The following CLEC16A variants were observed in gnomAD, a reference collection of about 807,000 sequenced individuals.
The protein encoded by CLEC16A is protein CLEC16A.
A neutral mutation model predicts 109.5 loss-of-function variants in CLEC16A; 51 were observed. The observed-to-expected ratio is 0.47, with a 90% CI of 0.37 to 0.59. The LOEUF is 0.59. Ranked by LOEUF, CLEC16A falls within the 20% of genes least tolerant of loss-of-function variation. The probability of loss-of-function intolerance (pLI) is 0.00; values close to 1 mark genes in which losing one functional copy is unlikely to be tolerated. For synonymous variants in CLEC16A, 673 were observed against 564.2 expected (o/e 1.19, Z -2.73); for missense variants, 1,339 against 1,394.0 (o/e 0.96, Z 0.63).
At chr16:11,177,711 C>T (rs189955840) in intron 23 of CLEC16A, among the ~76,000 whole-genome samples, 9 of 152,218 alleles carry the variant, frequency 5.9e-5, no homozygotes, top group Non-Finnish European at 8.8e-5. Context: ...TGGCCCCTGC[C>T]GGGAAGCTCG....
chr16:11,009,897 T>C (rs1447360165), intron 11 of CLEC16A, among the ~76,000 whole-genome samples: 3 of 152,178 alleles, frequency 2.0e-5, no homozygotes, highest in Non-Finnish European at 2.9e-5. Flanking sequence ...CTCACACCTG[T>C]AATCCCAGCA....
intron 1 of CLEC16A, among the ~76,000 whole-genome samples, chr16:10,949,563 T>G (rs1464246797): frequency 6.6e-6 from 1 of 150,386 alleles, no homozygotes; most frequent in Non-Finnish European, 1.5e-5. Flanking sequence ...GTTCACTGGG[T>G]GAAGAGGAAG....
intron 19 of CLEC16A, among the ~76,000 whole-genome samples, chr16:11,097,692 G>A (rs993134189): frequency 3.9e-5 from 6 of 152,170 alleles, no homozygotes; most frequent in African/African-American, 1.4e-4. Flanking sequence ...AAATCCAGCA[G>A]CTTTTTGGCC....
Position 11,174,399 on chromosome 16 carries a change from C to A in CLEC16A, c.2807-3936C>A, listed in dbSNP as rs984469742. ...TGGGCCTGAGCACAGAGCCATTTGC[C>A]AAGGCGGCACTTCCCCATTTTCCCC... On this transcript the variant is annotated intron_variant, in intron 23 of 23. Coordinates refer to ENST00000409790, the MANE Select transcript of CLEC16A (RefSeq NM_015226.3). The surrounding 1 kb of genome is among the most constrained non-coding windows in gnomAD (Gnocchi z 4.7). 5.4e-5 allele frequency: 19 copies of A among 354,724 alleles called. No individual in the cohort carries two copies. The highest frequency in any genetic ancestry group is 2.1e-4 in the Admixed American group (6 of 28,518). The allele number at this position is 354,724 out of a possible 1,614,324, so 22.0% of individuals were successfully genotyped here.
At chr16:11,070,081 T>C (rs1333315130) in intron 19 of CLEC16A, among the ~76,000 whole-genome samples, 2 of 152,004 alleles carry the variant, frequency 1.3e-5, no homozygotes, top group Non-Finnish European at 2.9e-5. Context: ...ACCATTTTTT[T>C]TTTTTTTGAG....
At chr16:10,977,512 T>TTTTG (rs554920844) in intron 8 of CLEC16A, 113 bp downstream of exon 8, 7 of 996,448 alleles carry the variant, frequency 7.0e-6, no homozygotes, top group South Asian at 1.7e-5. Flanking sequence ...GAGGTTTTTT[T>TTTTG]TTTGTTTGTT....
chr16:10,948,491 G>C (rs1424241567), intron 1 of CLEC16A, among the ~76,000 whole-genome samples: 3 of 152,164 alleles, frequency 2.0e-5, no homozygotes, highest in African/African-American at 7.2e-5. Context: ...CTGTGACATT[G>C]ACTGACAAAT....
chr16:11,138,712 A>G (rs1342309277), intron 22 of CLEC16A, among the ~76,000 whole-genome samples: 1 of 152,116 alleles, frequency 6.6e-6, no homozygotes, highest in Non-Finnish European at 1.5e-5. Flanking sequence ...CTAAATGACC[A>G]CTGTTTTCAC....
At chr16:11,156,591 G>GT in intron 22 of CLEC16A, 1 of 1,304,234 alleles carries the variant, frequency 7.7e-7, no homozygotes, top group Non-Finnish European at 1.0e-6. Flanking sequence ...GACTGCCGCA[G>GT]TAGAGAGGCA....
At chr16:11,043,083 C>T (rs746315735) in intron 15 of CLEC16A, among the ~76,000 whole-genome samples, 14 of 151,098 alleles carry the variant, frequency 9.3e-5, no homozygotes, top group Non-Finnish European at 1.5e-4. Flanking sequence ...TATATATACA[C>T]ACACACACAC....
chr16:11,054,155 C>T (rs150351476), intron 18 of CLEC16A, among the ~76,000 whole-genome samples: 2 of 152,348 alleles, frequency 1.3e-5, no homozygotes, highest in African/African-American at 4.8e-5. Flanking sequence ...CCCTTGAGAA[C>T]CTTGGCTGTC....
Position 10,952,053 on chromosome 16 carries a change from A to C in CLEC16A, c.81-5729A>C, listed in dbSNP as rs758906547. Among the ~76,000 whole-genome samples, 13 of 152,356 alleles carry C rather than the reference A, an allele frequency of 8.5e-5. No homozygotes were observed. The Middle Eastern group carries it at 0.017, about 199-fold the overall frequency. On this transcript the variant is annotated intron_variant, in intron 1 of 23. Coordinates refer to ENST00000409790, the MANE Select transcript of CLEC16A (RefSeq NM_015226.3). ...ATGCAACATGACCTCAACTATGTAA[A>C]TATCCATAGCAAAGAAAAAGACCCG...
chr16:11,151,995 G>A (rs1315844030), intron 22 of CLEC16A, among the ~76,000 whole-genome samples: 2 of 152,192 alleles, frequency 1.3e-5, no homozygotes, highest in African/African-American at 2.4e-5. Context: ...CAGAGAACCA[G>A]GGGGTTTTGT....
chr16:11,075,408 G>A (rs866385739), intron 19 of CLEC16A, among the ~76,000 whole-genome samples: 3 of 131,688 alleles, frequency 2.3e-5, no homozygotes, highest in Non-Finnish European at 4.9e-5. Context: ...GTGTGTGTGT[G>A]TGTCTGTGTG....
chr16:10,981,042 G>A (rs1321910350), intron 9 of CLEC16A, among the ~76,000 whole-genome samples: 1 of 152,116 alleles, frequency 6.6e-6, no homozygotes, highest in Non-Finnish European at 1.5e-5. Context: ...TGGCCTGCAC[G>A]TGCTTCCACG....
At position 11,051,571 on chromosome 16, in the gene CLEC16A, C is replaced by T. The variant is rs1192686606; in HGVS notation, c.1925C>T (p.Thr642Ile). Residue 642 changes from threonine to isoleucine, a missense_variant, in exon 18 of 24, where the codon ACA (threonine) becomes ATA (isoleucine). Around this residue, in one of 3 missense-constraint regions of CLEC16A, gnomAD observed 1,061 missense variants for 1,006.8 expected, o/e 1.05. Transcript: ENST00000409790. ...MMDASILLPP[T>I]GTPLTGIDFV... ...GACGCCTCCATCCTGCTGCCCCCAA[C>T]AGGCACGCCACTGACGGGCATTGAC... 6.2e-7 allele frequency: 1 copy of T among 1,614,046 alleles called. No individual in the cohort carries two copies. Among genetic ancestry groups the T allele is most frequent in the Non-Finnish European group, 8.5e-7 (1 of 1,179,882 alleles).
chr16:11,159,684 C>T (rs1414162580), intron 22 of CLEC16A, among the ~76,000 whole-genome samples: 3 of 152,208 alleles, frequency 2.0e-5, no homozygotes, highest in Admixed American at 1.3e-4. Context: ...GGACAGAAAC[C>T]TTGTGGGTGA....
chr16:11,090,460 G>A (rs2050240449), intron 19 of CLEC16A, among the ~76,000 whole-genome samples: 1 of 152,186 alleles, frequency 6.6e-6, no homozygotes, highest in Non-Finnish European at 1.5e-5. Context: ...TCCTCAGGCA[G>A]CGGAGTGATG....
chr16:11,094,849 T>A (rs768505877), intron 19 of CLEC16A, among the ~76,000 whole-genome samples: 9 of 152,226 alleles, frequency 5.9e-5, no homozygotes, highest in Admixed American at 1.3e-4. Context: ...ATCGTTATTA[T>A]GAGGTAGCAG....
Sources: gnomAD v4.1 joint callset for allele counts (sites outside exome capture counted in the v4.1 genomes callset) on GRCh38, gnomAD v4.1.1 for gene constraint, gnomAD v4.1.1 regional missense constraint, Gnocchi (gnomAD v3.1) non-coding constraint, MANE v1.5 for transcripts, NCBI Gene and HGNC (gene_info 2026-07-23, HGNC 2026-07-21) for gene names.